The following ZSCAN23 variants were observed in gnomAD, a reference collection of about 807,000 sequenced individuals.
ZSCAN23 encodes zinc finger and SCAN domain-containing protein 23.
In ZSCAN23, 19 loss-of-function variants were observed where a neutral mutation model predicts 19.3. The ratio of observed to expected loss-of-function variants is 0.99; its 90% CI spans 0.69 to 1.45. The LOEUF (loss-of-function observed/expected upper bound fraction) is 1.45. ZSCAN23 is among the 40% of genes most tolerant of loss of function. The pLI, the probability that ZSCAN23 is intolerant of heterozygous loss-of-function variation, is 0.00. For synonymous variants in ZSCAN23, 140 were observed against 166.2 expected, an observed-to-expected ratio of 0.84 and a Z score of 1.21; for missense variants, 372 against 462.5, an observed-to-expected ratio of 0.80 and a Z score of 1.79.
Position 28,433,273 on chromosome 6 carries a change from AG to A in ZSCAN23, c.*1191del, listed in dbSNP as rs2114031168. The A allele has an allele frequency of 6.6e-6, 1 of 152,260 alleles. No homozygotes were observed. The highest frequency in any genetic ancestry group is 2.4e-5 in the African/African-American group (1 of 41,578). 9.4% of individuals were successfully genotyped at this position (152,260 alleles called of 1,614,324 possible). On this transcript the variant is annotated 3_prime_UTR_variant, in exon 4 of 4. Coordinates refer to ENST00000289788, the MANE Select transcript of ZSCAN23 (RefSeq NM_001012455.2). ...CAGTGGCTTAATAGAATGTTACACT[AG>A]GAAGTAGGAGACAGGGTTCTAGTTC...
At chr6:28,432,271 A>C (rs1761775184), downstream of ZSCAN23, among the ~76,000 whole-genome samples, 1 of 152,208 alleles carries the variant, frequency 6.6e-6, no homozygotes. Flanking sequence ...TATTTACTTA[A>C]GAAGTTGATT....
chr6:28,438,802 A>C (rs922042814), intron 1 of ZSCAN23, among the ~76,000 whole-genome samples: 1 of 152,190 alleles, frequency 6.6e-6, no homozygotes, highest in African/African-American at 2.4e-5. Context: ...ATAATTCAAG[A>C]TGAGATTTGG....
chr6:28,425,345 T>C, the ZSCAN23 span, among the ~76,000 whole-genome samples: 18 of 152,180 alleles, frequency 1.2e-4, no homozygotes, highest in Admixed American at 1.0e-3. Context: ...TGTGTTTGTT[T>C]GAGACAGGGT....
At chr6:28,428,627 CTCT>C (rs1761699639), downstream of ZSCAN23, among the ~76,000 whole-genome samples, 1 of 152,154 alleles carries the variant, frequency 6.6e-6, no homozygotes, top group Non-Finnish European at 1.5e-5. Flanking sequence ...AACTACAAGT[CTCT>C]TATCTCCCTT....
chr6:28,438,115 GAGA>G (rs111859903), intron 1 of ZSCAN23, among the ~76,000 whole-genome samples: 47,673 of 151,432 alleles, frequency 0.31, 7,854 homozygotes, highest in African/African-American at 0.39. Context: ...TTGTTTTTTT[GAGA>G]AGGAGTCTTG....
chr6:28,434,739 T>C lies in ZSCAN23; in HGVS notation c.896A>G (p.His299Arg), dbSNP rs980684195. The C allele has an allele frequency of 6.2e-7, 1 of 1,602,014 alleles. No individual in the cohort carries two copies. Among genetic ancestry groups the C allele is most frequent in the African/African-American group, 1.3e-5 (1 of 74,596 alleles). Residue 299 changes from histidine (H) to arginine (R), a missense_variant, in exon 4 of 4, where the codon CAC becomes CGC. By Grantham distance (29) the His-to-Arg change is conservative (BLOSUM62 0). Transcript: ENST00000289788. The part of the protein sequence containing the change: ...RSGLFQHQRL[H>R]TGEKRYQCSV... ...GCACTGGTAGCGCTTCTCCCCAGTGTGGAGTCTCTGGTGCTGGAATAGGCC... is the reference window on the plus strand; with the variant it reads ...GCACTGGTAGCGCTTCTCCCCAGTGCGGAGTCTCTGGTGCTGGAATAGGCC...
the ZSCAN23 span, among the ~76,000 whole-genome samples, chr6:28,424,668 C>T: frequency 2.0e-5 from 3 of 152,226 alleles, no homozygotes; most frequent in Non-Finnish European, 2.9e-5. Flanking sequence ...TTTCTTTACT[C>T]ATCCATAAGA....
chr6:28,422,677 C>A, the ZSCAN23 span, among the ~76,000 whole-genome samples: 1 of 151,800 alleles, frequency 6.6e-6, no homozygotes, highest in South Asian at 2.1e-4. The surrounding 1 kb of genome is among the most constrained non-coding windows in gnomAD (Gnocchi z 4.0). Context: ...GAAACTGAAC[C>A]ATGCAAGGTA....
At chr6:28,436,588 A>C (rs951362166) in intron 1 of ZSCAN23, among the ~76,000 whole-genome samples, 1 of 152,212 alleles carries the variant, frequency 6.6e-6, no homozygotes, top group African/African-American at 2.4e-5. Flanking sequence ...AAACAGCTCA[A>C]ATCAGCTTGA....
chr6:28,436,104 AG>A lies in ZSCAN23; in HGVS notation c.162del (p.Cys55AlafsTer23). 6.2e-7 allele frequency: 1 copy of A among 1,613,832 alleles called. No homozygotes were observed. The highest frequency in any genetic ancestry group is 1.7e-5 in the Admixed American group (1 of 59,924). Reference sequence around the variant, plus strand: ...CGGGGCCCAGGGGACTCCTGATAGCAGAACTGCCTGAAGCGTCTACGAAAGA... The same window carrying A: ...CGGGGCCCAGGGGACTCCTGATAGCAAACTGCCTGAAGCGTCTACGAAAGA... ...REIFRRRFRQFCYQESPGPRE... is the reference protein window; with the variant it reads ...REIFRRRFRQXCYQESPGPRE... On this transcript the variant is annotated frameshift_variant, in exon 2 of 4. Transcript: ENST00000289788. LOFTEE classifies it high-confidence loss of function.
chr6:28,437,440 G>T (rs1761915958), intron 1 of ZSCAN23, among the ~76,000 whole-genome samples: 1 of 152,096 alleles, frequency 6.6e-6, no homozygotes, highest in Non-Finnish European at 1.5e-5. Context: ...AAAATTAGCT[G>T]GGCTTGGTGG....
Position 28,435,877 on chromosome 6 carries a change from C to A in ZSCAN23, c.390G>T (p.Leu130=), listed in dbSNP as rs1445774297. ...VTVLEDLERE[L]DDPGEQVLSH... is the part of the protein sequence containing the mutation. ...TTCTCACCTGCTCTCCTGGGTCATC[C>A]AGCTCTCTCTCCAAATCCTCCAGCA... The change falls in exon 2 of 4, where the codon CTG becomes CTT. Residue 130 remains leucine, a synonymous_variant. Coordinates refer to ENST00000289788, the MANE Select transcript of ZSCAN23 (RefSeq NM_001012455.2). 6.2e-7 allele frequency: 1 copy of A among 1,602,982 alleles called. No individual in the cohort carries two copies.
chr6:28,436,954 G>T (rs1047106003), intron 1 of ZSCAN23, among the ~76,000 whole-genome samples: 15 of 152,130 alleles, frequency 9.9e-5, no homozygotes, highest in African/African-American at 3.6e-4. Flanking sequence ...TTGAGCCTTG[G>T]TCTCTTCAAT....
the ZSCAN23 span, among the ~76,000 whole-genome samples, chr6:28,426,624 C>T: frequency 1.5e-4 from 23 of 152,302 alleles, no homozygotes; most frequent in African/African-American, 4.8e-4. Flanking sequence ...CACAGAAACA[C>T]GAAGTGTGCA....
At chr6:28,425,582 C>T in the ZSCAN23 span, among the ~76,000 whole-genome samples, 1 of 152,158 alleles carries the variant, frequency 6.6e-6, no homozygotes, top group Non-Finnish European at 1.5e-5. Context: ...CCTGACTTGG[C>T]CTCTCAATGT....
chr6:28,431,119 T>A (rs186277372), downstream of ZSCAN23, among the ~76,000 whole-genome samples: 2 of 152,290 alleles, frequency 1.3e-5, no homozygotes, highest in East Asian at 3.9e-4. Flanking sequence ...GGGCCCTCTG[T>A]TTTGTTTGTG....
chr6:28,428,911 C>A (rs1761703350), downstream of ZSCAN23, among the ~76,000 whole-genome samples: 1 of 152,046 alleles, frequency 6.6e-6, no homozygotes, highest in Admixed American at 6.6e-5. Flanking sequence ...AAAAGCACAC[C>A]ACCCTATAAA....
Position 28,436,331 on chromosome 6 carries a change from GAA to G in ZSCAN23, c.-67_-66del. The G allele has an allele frequency of 1.5e-6, 2 of 1,321,450 alleles. No homozygotes were observed. Among genetic ancestry groups the G allele is most frequent in the East Asian group, 2.8e-5 (1 of 36,064 alleles). The allele number at this position is 1,321,450 out of a possible 1,614,324, so 81.9% of individuals were successfully genotyped here. A position where few individuals can be genotyped will look rare whatever the true frequency, so the allele number is the denominator to read the frequency against. On this transcript the variant is annotated 5_prime_UTR_variant, in exon 2 of 4. It removes the in-frame stop codon of an upstream open reading frame in the 5' UTR. Transcript: ENST00000289788. Reference sequence around the variant, plus strand: ...AATTCTCCCTTGATCTTTTCTTCTGGAAACCCCGAGATCTAGACAATAATTTA... The same window carrying G: ...AATTCTCCCTTGATCTTTTCTTCTGGACCCCGAGATCTAGACAATAATTTA...
intron 1 of ZSCAN23, among the ~76,000 whole-genome samples, chr6:28,440,528 C>G (rs1183143990): frequency 6.8e-6 from 1 of 148,030 alleles, no homozygotes; most frequent in Non-Finnish European, 1.5e-5. Flanking sequence ...GTAGAAATAT[C>G]AAATAGCTAA....
Sources: allele counts gnomAD v4.1 joint callset (sites outside exome capture counted in the v4.1 genomes callset), GRCh38; gene constraint gnomAD v4.1.1; non-coding constraint Gnocchi (gnomAD v3.1); transcripts MANE v1.5; gene names NCBI Gene and HGNC (gene_info 2026-07-23, HGNC 2026-07-21).